Variants in EPC1 observed in about 807,000 individuals in gnomAD.
EPC1 encodes enhancer of polycomb 1.
EPC1 carries 12 observed loss-of-function variants against 98.4 expected under a neutral mutation model. The ratio of observed to expected loss-of-function variants is 0.12; its 90% CI spans 0.08 to 0.20. The LOEUF (loss-of-function observed/expected upper bound fraction) is 0.20. Among genes scored for constraint, EPC1 ranks in the 10% least tolerant of loss-of-function variants. EPC1 has a pLI of 1.00. For missense variants in EPC1, 729 were observed against 990.5 expected (o/e 0.74, Z 3.54); for synonymous variants, 357 against 363.9 (o/e 0.98, Z 0.21).
chr10:32,373,250 A>G (rs1839800325), intron 1 of EPC1, among the ~76,000 whole-genome samples: 1 of 152,086 alleles, frequency 6.6e-6, no homozygotes, highest in Admixed American at 6.5e-5. Context: ...CCTATTTCCT[A>G]ATTTTGTGTG....
At chr10:32,377,528 T>C (rs979224383) in intron 1 of EPC1, 2 of 152,230 alleles carry the variant, frequency 1.3e-5, no homozygotes, top group Admixed American at 6.5e-5. Context: ...TGCATGCCTG[T>C]CCCTGATGTT....
At chr10:32,365,950 A>G (rs1326402109) in intron 1 of EPC1, among the ~76,000 whole-genome samples, 1 of 151,232 alleles carries the variant, frequency 6.6e-6, no homozygotes. Context: ...CCTGGCCAAC[A>G]TGGTGAAACC....
intron 6 of EPC1, among the ~76,000 whole-genome samples, chr10:32,290,486 A>AG: frequency 1.6e-5 from 1 of 61,898 alleles, no homozygotes; most frequent in African/African-American, 4.3e-5. Context: ...ACTCTGTCAA[A>AG]AAAAAAAAAA....
chr10:32,333,025 C>T (rs1460916003), intron 1 of EPC1, among the ~76,000 whole-genome samples: 1 of 152,150 alleles, frequency 6.6e-6, no homozygotes, highest in Non-Finnish European at 1.5e-5. Context: ...CTTAGTAACA[C>T]TGTGACCTTT....
chr10:32,287,233 T>A lies in EPC1; in HGVS notation c.1017A>T (p.Glu339Asp). Residue 339 changes from glutamate to aspartate, a missense_variant, in exon 7 of 14, where the codon GAA becomes GAT. Physicochemically the swap from Glu to Asp is conservative, Grantham distance 45. Around this residue, in one of 6 missense-constraint regions of EPC1, gnomAD observed 390 missense variants for 438.6 expected, o/e 0.89. Coordinates refer to ENST00000319778, the MANE Select transcript of EPC1 (RefSeq NM_001272004.3). ...ACGATGGTAAGACTTTGGGCTTCTT[T>A]TCATATTTCCGTTTCGGTCGGATAA... Reference protein sequence around the residue: ...ADLIRPKRKYEKKPKVLPSSA... With the variant: ...ADLIRPKRKYDKKPKVLPSSA... 6.2e-7 allele frequency: 1 copy of A among 1,614,174 alleles called. No individual in the cohort carries two copies. Among genetic ancestry groups the A allele is most frequent in the Non-Finnish European group, 8.5e-7 (1 of 1,180,040 alleles).
At chr10:32,350,859 T>C (rs561153200), upstream of EPC1, among the ~76,000 whole-genome samples, 1 of 152,352 alleles carries the variant, frequency 6.6e-6, no homozygotes, top group South Asian at 2.1e-4. Flanking sequence ...TGTATCCAAG[T>C]CTTATGATTT....
At position 32,292,642 on chromosome 10, in the gene EPC1, A is replaced by G. The variant is rs1478219789; in HGVS notation, c.669T>C (p.Asn223=). Residue 223 remains asparagine (N), a splice_region_variant and synonymous_variant, in exon 5 of 14, where the codon AAT becomes AAC. Transcript: ENST00000319778. The part of the protein sequence containing the change: ...RRTEKMQTRK[N]RKNDEASYEK... ...CGTAAGAGGCTTCATCATTTTTGCGATTCTGCAAATGTGAAGTTGCTTGTT... is the reference window on the plus strand; with the variant it reads ...CGTAAGAGGCTTCATCATTTTTGCGGTTCTGCAAATGTGAAGTTGCTTGTT... 6.2e-7 allele frequency: 1 copy of G among 1,604,710 alleles called. No homozygotes were observed. The highest frequency in any genetic ancestry group is 1.1e-5 in the South Asian group (1 of 88,528).
intron 1 of EPC1, 84 bp downstream of exon 1, chr10:32,346,679 G>A: frequency 3.7e-6 from 5 of 1,343,350 alleles, no homozygotes; most frequent in Non-Finnish European, 4.2e-6. Context: ...CGGCCATTTT[G>A]TGTGGGTTTG....
chr10:32,273,343 A>T, intron 10 of EPC1, 62 bp from the exon 11 acceptor site: 1 of 1,549,936 alleles, frequency 6.5e-7, no homozygotes, highest in Non-Finnish European at 8.7e-7. Context: ...GTCTTACAGT[A>T]CTAAAACAAA....
chr10:32,350,597 CA>C (rs1269072164), upstream of EPC1, among the ~76,000 whole-genome samples: 1 of 152,118 alleles, frequency 6.6e-6, no homozygotes, highest in Non-Finnish European at 1.5e-5. Context: ...GAGACTCCAA[CA>C]ACAAGCCAAT....
chr10:32,323,598 T>C (rs781027607), intron 1 of EPC1, among the ~76,000 whole-genome samples: 1 of 152,244 alleles, frequency 6.6e-6, no homozygotes, highest in Non-Finnish European at 1.5e-5. Flanking sequence ...ATCAGAAATC[T>C]GAATTGGAAT....
chr10:32,336,996 A>C (rs1838014774), intron 1 of EPC1, among the ~76,000 whole-genome samples: 1 of 152,150 alleles, frequency 6.6e-6, no homozygotes, highest in Non-Finnish European at 1.5e-5. Flanking sequence ...TTCCCTAATT[A>C]TGGGCCATAT....
chr10:32,364,597 C>A (rs1185090928), intron 1 of EPC1, among the ~76,000 whole-genome samples: 1 of 152,128 alleles, frequency 6.6e-6, no homozygotes, highest in African/African-American at 2.4e-5. Flanking sequence ...TGAGACTCGA[C>A]CCTTCCCAAC....
intron 6 of EPC1, 123 bp from the exon 7 acceptor site, chr10:32,287,397 C>G (rs1000983476): frequency 4.2e-6 from 4 of 942,394 alleles, no homozygotes; most frequent in Non-Finnish European, 6.4e-6. Context: ...ATAAGAGACA[C>G]AACACTCTAT....
At chr10:32,376,467 C>T (rs1046156666) in intron 1 of EPC1, among the ~76,000 whole-genome samples, 1 of 152,062 alleles carries the variant, frequency 6.6e-6, no homozygotes, top group African/African-American at 2.4e-5. Flanking sequence ...TGCAGTATTT[C>T]ATTCTATAAA....
chr10:32,300,564 G>A (rs1835453539), intron 2 of EPC1, among the ~76,000 whole-genome samples: 1 of 151,698 alleles, frequency 6.6e-6, no homozygotes, highest in Non-Finnish European at 1.5e-5. Context: ...CTCCCGAGTA[G>A]CTGGGATTAC....
chr10:32,378,333 TG>T (rs1839912286), intron 1 of EPC1, among the ~76,000 whole-genome samples: 1 of 152,180 alleles, frequency 6.6e-6, no homozygotes, highest in African/African-American at 2.4e-5. Context: ...TTTTTTCTTT[TG>T]GTAAAAATTA....
intron 6 of EPC1, among the ~76,000 whole-genome samples, chr10:32,289,701 G>A (rs978209761): frequency 1.3e-5 from 2 of 151,318 alleles, no homozygotes; most frequent in African/African-American, 4.9e-5. Flanking sequence ...TCGGCTCACT[G>A]CAAGCTCTGC....
At chr10:32,325,751 A>C (rs544403946) in intron 1 of EPC1, among the ~76,000 whole-genome samples, 47 of 151,618 alleles carry the variant, frequency 3.1e-4, no homozygotes, top group Non-Finnish European at 5.7e-4. Context: ...CATTTCAAAG[A>C]AGCAAACTGT....
Sources: allele counts gnomAD v4.1 joint callset (sites outside exome capture counted in the v4.1 genomes callset), GRCh38; gene constraint gnomAD v4.1.1; regional missense constraint gnomAD v4.1.1; transcripts MANE v1.5; gene names NCBI Gene and HGNC (gene_info 2026-07-23, HGNC 2026-07-21).